The following SPAG16 variants were observed in gnomAD, a reference collection of about 807,000 sequenced individuals.
SPAG16 encodes the protein sperm-associated antigen 16 protein.
In SPAG16, 86 loss-of-function variants were observed where a neutral mutation model predicts 80.4. The ratio of observed to expected loss-of-function variants is 1.07; its 90% confidence interval spans 0.90 to 1.28. SPAG16 has a LOEUF of 1.28. Ranked by LOEUF, SPAG16 falls within the 50% of genes most tolerant of loss-of-function variation. SPAG16 has a pLI of 0.00. For missense variants in SPAG16, 870 were observed against 765.3 expected, an observed-to-expected ratio of 1.14 and a Z score of -1.61; for synonymous variants, 294 against 265.9, an observed-to-expected ratio of 1.11 and a Z score of -1.03.
At chr2:213,772,908 G>C (rs2069339722) in intron 10 of SPAG16, among the ~76,000 whole-genome samples, 1 of 151,622 alleles carries the variant, frequency 6.6e-6, no homozygotes, top group African/African-American at 2.4e-5. Flanking sequence ...CACTGTAATG[G>C]TTTTATATAT....
chr2:214,395,223 A>G (rs1456666359), intron 15 of SPAG16, among the ~76,000 whole-genome samples: 1 of 152,212 alleles, frequency 6.6e-6, no homozygotes, highest in East Asian at 1.9e-4. Flanking sequence ...GGTAAATACA[A>G]AGGAACACTA....
intron 15 of SPAG16, among the ~76,000 whole-genome samples, chr2:214,289,098 G>A (rs908971292): frequency 3.3e-5 from 5 of 152,110 alleles, no homozygotes; most frequent in Non-Finnish European, 7.4e-5. Flanking sequence ...GATTTTTGTT[G>A]TTGTTGATGA....
At chr2:213,337,635 C>T (rs537661465) in intron 5 of SPAG16, among the ~76,000 whole-genome samples, 1 of 151,928 alleles carries the variant, frequency 6.6e-6, no homozygotes, top group Non-Finnish European at 1.5e-5. Context: ...AGCTTGAAGA[C>T]TATCTTGCTG....
intron 8 of SPAG16, among the ~76,000 whole-genome samples, chr2:213,369,054 G>T (rs556400316): frequency 1.4e-4 from 22 of 152,250 alleles, no homozygotes; most frequent in African/African-American, 5.3e-4. Flanking sequence ...CTGGAGGCTA[G>T]AAACAATAAA....
intron 10 of SPAG16, among the ~76,000 whole-genome samples, chr2:213,702,465 G>C (rs181303618): frequency 6.6e-6 from 1 of 152,072 alleles, no homozygotes; most frequent in Non-Finnish European, 1.5e-5. Flanking sequence ...GTGAGACCAC[G>C]AACTCACCAA....
At chr2:213,765,970 C>A (rs2068918323) in intron 10 of SPAG16, among the ~76,000 whole-genome samples, 1 of 152,150 alleles carries the variant, frequency 6.6e-6, no homozygotes, top group East Asian at 1.9e-4. Flanking sequence ...ATGAATGTAA[C>A]ATTGACCTGG....
At chr2:214,085,392 A>G (rs76048899) in intron 13 of SPAG16, among the ~76,000 whole-genome samples, 3 of 143,632 alleles carry the variant, frequency 2.1e-5, no homozygotes, top group Non-Finnish European at 4.6e-5. Flanking sequence ...AAAAAAAAAA[A>G]AGAAAGAAAG....
At chr2:213,926,078 GA>G (rs2078462746) in intron 11 of SPAG16, among the ~76,000 whole-genome samples, 1 of 151,786 alleles carries the variant, frequency 6.6e-6, no homozygotes, top group Non-Finnish European at 1.5e-5. Context: ...TTAATTCTTT[GA>G]ATGTTACATC....
In SPAG16 at chr2:213,675,193, G is replaced by A. The variant is rs577865224; in HGVS notation, c.1070+185103G>A. Among the ~76,000 whole-genome samples, 354 of 152,320 alleles carry A rather than the reference G, an allele frequency of 2.3e-3. 3 individuals carry two copies. The highest frequency in any genetic ancestry group is 8.2e-3 in the African/African-American group (342 of 41,556). On this transcript the variant is annotated intron_variant, in intron 10 of 15. Coordinates refer to ENST00000331683, the MANE Select transcript of SPAG16 (RefSeq NM_024532.5). Reference sequence around the variant, plus strand: ...CTGCATAAATGTCTTCTTTTGAGAAGTGTCTGTTCATGTCCTTCGCCCACT... The same window carrying A: ...CTGCATAAATGTCTTCTTTTGAGAAATGTCTGTTCATGTCCTTCGCCCACT...
intron 15 of SPAG16, among the ~76,000 whole-genome samples, chr2:214,373,929 C>T (rs1699967683): frequency 6.6e-6 from 1 of 152,156 alleles, no homozygotes; most frequent in Admixed American, 6.5e-5. Flanking sequence ...CAAAACTGAA[C>T]CATGTTCCAG....
chr2:213,699,955 G>A (rs2065332467), intron 10 of SPAG16, among the ~76,000 whole-genome samples: 1 of 152,170 alleles, frequency 6.6e-6, no homozygotes, highest in South Asian at 2.1e-4. Context: ...TGGATATGGT[G>A]GCATTCCAGA....
At chr2:213,871,869 CACACACACACA>C (rs2075962280) in intron 11 of SPAG16, among the ~76,000 whole-genome samples, 1 of 108,058 alleles carries the variant, frequency 9.3e-6, no homozygotes, top group South Asian at 3.0e-4. Context: ...CACACACACA[CACACACACACA>C]GAGAGAGAGA....
At chr2:213,820,616 T>C (rs1372592878) in intron 10 of SPAG16, among the ~76,000 whole-genome samples, 1 of 152,180 alleles carries the variant, frequency 6.6e-6, no homozygotes, top group African/African-American at 2.4e-5. Context: ...TGTCTGCATT[T>C]GTTTTTGTCT....
chr2:214,226,817 C>A (rs1256235016), intron 15 of SPAG16, among the ~76,000 whole-genome samples: 2 of 152,156 alleles, frequency 1.3e-5, no homozygotes, highest in South Asian at 2.1e-4. Flanking sequence ...TGGAGCTGAT[C>A]CCCTGGCTCT....
chr2:213,482,628 T>C (rs1329712667), intron 9 of SPAG16, among the ~76,000 whole-genome samples: 4 of 152,200 alleles, frequency 2.6e-5, no homozygotes, highest in Admixed American at 1.3e-4. Context: ...GGTATAATTA[T>C]GTTCTTCTTA....
intron 10 of SPAG16, among the ~76,000 whole-genome samples, chr2:213,835,068 G>A (rs1391225205): frequency 6.6e-6 from 1 of 152,104 alleles, no homozygotes; most frequent in Non-Finnish European, 1.5e-5. Flanking sequence ...ATTTGGGGGA[G>A]TTTCTTTTTC....
At position 213,495,103 on chromosome 2, in the gene SPAG16, A is replaced by T. The variant is rs1332564989; in HGVS notation, c.1070+5013A>T. Among the ~76,000 whole-genome samples, 3 of 152,182 alleles carry T rather than the reference A, an allele frequency of 2.0e-5. 1 individual carries two copies. Among genetic ancestry groups the T allele is most frequent in the South Asian group, 4.1e-4 (2 of 4,824 alleles). On this transcript the variant is annotated intron_variant, in intron 10 of 15. Coordinates refer to ENST00000331683, the MANE Select transcript of SPAG16 (RefSeq NM_024532.5). Reference sequence around the variant, plus strand: ...CTCAGTAGGCATGCAGTGTTTTCCTAGTTTATGTGTGGCAGAGATGGGTAG... The same window carrying T: ...CTCAGTAGGCATGCAGTGTTTTCCTTGTTTATGTGTGGCAGAGATGGGTAG...
At chr2:213,415,199 C>T (rs1171236391) in intron 9 of SPAG16, among the ~76,000 whole-genome samples, 14 of 152,198 alleles carry the variant, frequency 9.2e-5, no homozygotes, top group African/African-American at 2.9e-4. Flanking sequence ...CAAGGAGAGG[C>T]TGTGCCAGCA....
chr2:214,223,528 A>T (rs1274875329), intron 15 of SPAG16, among the ~76,000 whole-genome samples: 1 of 152,184 alleles, frequency 6.6e-6, no homozygotes, highest in Non-Finnish European at 1.5e-5. Flanking sequence ...CAATCTACTG[A>T]AATAAAATAT....
Sources: allele counts gnomAD v4.1 joint callset (sites outside exome capture counted in the v4.1 genomes callset), GRCh38; gene constraint gnomAD v4.1.1; transcripts MANE v1.5; gene names NCBI Gene and HGNC (gene_info 2026-07-23, HGNC 2026-07-21).